Variants in PI4KA observed in about 807,000 individuals in gnomAD.
PI4KA encodes PI4-kinase alpha.
A neutral mutation model predicts 271.4 loss-of-function variants in PI4KA; 122 were observed. The ratio of observed to expected loss-of-function variants is 0.45; its 90% confidence interval spans 0.39 to 0.52. The LOEUF (loss-of-function observed/expected upper bound fraction) is 0.52, where lower values mean the gene tolerates loss of function less well. PI4KA is among the 20% of genes least tolerant of loss of function. The pLI, the probability that PI4KA is intolerant of heterozygous loss-of-function variation, is 0.00. For missense variants in PI4KA, 1,969 were observed against 2,769.1 expected (o/e 0.71, Z 6.48); for synonymous variants, 1,041 against 1,078.8 (o/e 0.96, Z 0.69).
chr22:20,818,831 CTT>C (rs1922191053), intron 6 of PI4KA, among the ~76,000 whole-genome samples: 1 of 152,152 alleles, frequency 6.6e-6, no homozygotes, highest in South Asian at 2.1e-4. Flanking sequence ...TTATATACTT[CTT>C]AAGGGCACCA....
intron 54 of PI4KA, among the ~76,000 whole-genome samples, chr22:20,708,323 G>A (rs996538205): frequency 6.6e-6 from 1 of 152,040 alleles, no homozygotes; most frequent in Non-Finnish European, 1.5e-5. Flanking sequence ...GCTTCCATCC[G>A]TGGGAGCCAC....
At chr22:20,773,409 A>G (rs2147445184) in intron 19 of PI4KA, among the ~76,000 whole-genome samples, 1 of 152,100 alleles carries the variant, frequency 6.6e-6, no homozygotes, top group South Asian at 2.1e-4. Context: ...AAACAAACAA[A>G]CACCCATAAA....
chr22:20,807,273 T>C, intron 10 of PI4KA, 89 bp downstream of exon 10: 1 of 777,332 alleles, frequency 1.3e-6, no homozygotes, highest in Admixed American at 2.3e-5. Flanking sequence ...CAGCAGAAAG[T>C]GAGTACCAGT....
chr22:20,824,732 TCACACACACACACACACACACACA>T (rs361914), intron 3 of PI4KA, among the ~76,000 whole-genome samples: 8 of 136,220 alleles, frequency 5.9e-5, no homozygotes, highest in African/African-American at 1.6e-4. Flanking sequence ...ATGTGATAAA[TCACACACACACACACACACACACA>T]CACACACACA....
chr22:20,807,307 T>G, intron 10 of PI4KA, 55 bp downstream of exon 10: 2 of 1,105,818 alleles, frequency 1.8e-6, no homozygotes. Context: ...CATGCGACAG[T>G]GGCCTGGGAG....
At chr22:20,853,909 C>T (rs1927284606) in intron 1 of PI4KA, among the ~76,000 whole-genome samples, 1 of 146,342 alleles carries the variant, frequency 6.8e-6, no homozygotes, top group Non-Finnish European at 1.5e-5. Context: ...ACCCCCATCT[C>T]TAATTAAATA....
intron 29 of PI4KA, 77 bp from the exon 30 acceptor site, chr22:20,744,797 CCAA>C: frequency 8.4e-7 from 1 of 1,188,746 alleles, no homozygotes; most frequent in South Asian, 1.3e-5. Context: ...AAGCCTAAAC[CCAA>C]TGAAGCAGTC....
At chr22:20,747,847 G>A (rs1261651999) in intron 28 of PI4KA, 145 bp from the exon 29 acceptor site, 4 of 750,770 alleles carry the variant, frequency 5.3e-6, no homozygotes, top group East Asian at 2.8e-5. Context: ...CCATCCTCCC[G>A]CCTCAGCTTC....
At chr22:20,858,543 GC>G in intron 1 of PI4KA, 26 bp downstream of exon 1, 1 of 1,347,256 alleles carries the variant, frequency 7.4e-7, no homozygotes, top group Non-Finnish European at 9.6e-7. Flanking sequence ...CCTCCTGTCA[GC>G]CCGCGGCCCA....
Position 20,826,425 on chromosome 22 carries a change from C to T in PI4KA, c.368-2011G>A, listed in dbSNP as rs1000156785. On this transcript the variant is annotated intron_variant, in intron 3 of 54. Coordinates refer to ENST00000255882, the MANE Select transcript of PI4KA (RefSeq NM_058004.4). ...TACACAGTACTCCACGGTACACATA[C>T]GACATTTTCTTTATCCAGTCTTCCA... 7.9e-5 allele frequency among the ~76,000 whole-genome samples: 12 copies of T among 152,224 alleles called. 1 individual carries two copies. Among genetic ancestry groups the T allele is most frequent in the South Asian group, 4.1e-4 (2 of 4,820 alleles).
chr22:20,776,879 T>C (rs1933333071), intron 19 of PI4KA, among the ~76,000 whole-genome samples: 1 of 151,860 alleles, frequency 6.6e-6, no homozygotes, highest in Non-Finnish European at 1.5e-5. Context: ...TCCGAACAGT[T>C]ACCCCATCTT....
chr22:20,784,073 A>T (rs1934010454), intron 19 of PI4KA: 4 of 1,614,160 alleles, frequency 2.5e-6, no homozygotes, highest in Non-Finnish European at 3.4e-6. Flanking sequence ...GACCAAGGGG[A>T]ACTTCCTCGC....
intron 19 of PI4KA, among the ~76,000 whole-genome samples, chr22:20,781,711 C>T (rs983503448): frequency 6.6e-6 from 1 of 152,250 alleles, no homozygotes. Flanking sequence ...GGCAGACACA[C>T]ACACAGAGAC....
Position 20,753,122 on chromosome 22 carries a change from C to G in PI4KA, c.2850G>C (p.Met950Ile). Reference protein sequence around the residue: ...ADKVFDAFLNMMADKAKTKEN... With the variant: ...ADKVFDAFLNIMADKAKTKEN... ...TGGAGAGGCTTACTTTATCCGCCAT[C>G]ATGTTCAGGAAGGCATCGAATACTT... The change falls in exon 24 of 55, where the codon ATG (methionine) becomes ATC (isoleucine). Residue 950 changes from methionine (M) to isoleucine (I), a missense_variant. By Grantham distance (10) the Met-to-Ile change is conservative (BLOSUM62 1). Coordinates refer to ENST00000255882, the MANE Select transcript of PI4KA (RefSeq NM_058004.4). The G allele has an allele frequency of 1.2e-6, 2 of 1,614,126 alleles. No homozygotes were observed. The highest frequency in any genetic ancestry group is 1.7e-6 in the Non-Finnish European group (2 of 1,180,042).
chr22:20,817,594 C>T (rs578014507), intron 7 of PI4KA, among the ~76,000 whole-genome samples: 4 of 150,784 alleles, frequency 2.7e-5, no homozygotes, highest in Non-Finnish European at 3.0e-5. Context: ...AGTTAGTGGG[C>T]GTTGTGGAGG....
chr22:20,763,016 TTGGGGGG>T (rs1932137171), intron 22 of PI4KA, among the ~76,000 whole-genome samples: 1 of 14,182 alleles, frequency 7.1e-5, no homozygotes. Context: ...GCTTTTTTTT[TTGGGGGG>T]GGGGGGGGTT....
chr22:20,726,773 G>T (rs1022487516), intron 41 of PI4KA, among the ~76,000 whole-genome samples: 1 of 152,210 alleles, frequency 6.6e-6, no homozygotes, highest in Admixed American at 6.5e-5. Context: ...CTCCTCACTA[G>T]GGAGCCTGCC....
Position 20,742,658 on chromosome 22 carries a change from T to C in PI4KA, c.3563A>G (p.His1188Arg). 6.2e-7 allele frequency: 1 copy of C among 1,614,130 alleles called. No homozygotes were observed. Among genetic ancestry groups the C allele is most frequent in the East Asian group, 2.2e-5 (1 of 44,890 alleles). Residue 1188 changes from histidine (H) to arginine (R), a missense_variant, in exon 31 of 55, where the codon CAC becomes CGC. Physicochemically the swap from His to Arg is conservative, Grantham distance 29. Around this residue, in one of 13 missense-constraint regions of PI4KA, gnomAD observed 203 missense variants for 256.8 expected, o/e 0.79. Transcript: ENST00000255882. ...CAGCTTGAACATGGCCTGCGTGTAG[T>C]GCTGAGGATGACTGCGGTCTAAAGC... ...HSALDRSHPQ[H>R]YTQAMFKLTA...
intron 19 of PI4KA, among the ~76,000 whole-genome samples, chr22:20,782,813 T>C (rs1328404204): frequency 6.6e-6 from 1 of 152,040 alleles, no homozygotes; most frequent in Non-Finnish European, 1.5e-5. Context: ...GTGGCCCAAA[T>C]GTCAAAAATG....
Sources: gnomAD v4.1 joint callset for allele counts (sites outside exome capture counted in the v4.1 genomes callset) on GRCh38, gnomAD v4.1.1 for gene constraint, gnomAD v4.1.1 regional missense constraint, MANE v1.5 for transcripts, NCBI Gene and HGNC (gene_info 2026-07-23, HGNC 2026-07-21) for gene names.